TBCK: variants seen among roughly 807,000 people sequenced by gnomAD.
TBCK encodes the protein TBC1 domain containing kinase, also known as TBC domain-containing protein kinase-like protein.
TBCK carries 99 observed loss-of-function variants against 113.4 expected under a neutral mutation model. The observed-to-expected ratio is 0.87, with a 90% CI of 0.74 to 1.03. The LOEUF (loss-of-function observed/expected upper bound fraction) is 1.03. Among genes scored for constraint, TBCK ranks in the 50% least tolerant of loss-of-function variants. TBCK has a pLI of 0.00. For missense variants in TBCK, 1,045 were observed against 1,061.3 expected, an observed-to-expected ratio of 0.98 and a Z score of 0.21; for synonymous variants, 369 against 370.8, an observed-to-expected ratio of 1.00 and a Z score of 0.05.
chr4:106,049,896 C>T (rs998557342), intron 25 of TBCK, among the ~76,000 whole-genome samples: 1 of 151,968 alleles, frequency 6.6e-6, no homozygotes, highest in African/African-American at 2.4e-5. Context: ...AAAGGCTCCC[C>T]CTTTCCCAGG....
intron 2 of TBCK, among the ~76,000 whole-genome samples, chr4:106,298,461 A>T (rs1766551283): frequency 1.3e-5 from 2 of 149,392 alleles, no homozygotes; most frequent in Admixed American, 6.6e-5. Context: ...AAAAAAAAAA[A>T]TTAGCCAGGC....
At chr4:106,255,227 G>T (rs1761855435) in intron 5 of TBCK, among the ~76,000 whole-genome samples, 1 of 152,144 alleles carries the variant, frequency 6.6e-6, no homozygotes, top group Non-Finnish European at 1.5e-5. Flanking sequence ...GGATTTTGTG[G>T]TGTCACTTTG....
intron 12 of TBCK, chr4:106,238,548 G>T (rs1759727774): frequency 1.3e-5 from 2 of 152,006 alleles, no homozygotes; most frequent in South Asian, 2.1e-4. Context: ...GCCACGTAAA[G>T]AAAAAACTAG....
intron 23 of TBCK, among the ~76,000 whole-genome samples, chr4:106,130,102 G>A (rs1745705337): frequency 6.6e-6 from 1 of 152,104 alleles, no homozygotes; most frequent in African/African-American, 2.4e-5. Flanking sequence ...TCCCCCCAAA[G>A]TACCATCTTG....
Position 106,295,140 on chromosome 4 carries a change from A to G in TBCK, c.220T>C (p.Cys74Arg). The G allele has an allele frequency of 1.2e-6, 2 of 1,613,660 alleles. No homozygotes were observed. Among genetic ancestry groups the G allele is most frequent in the Non-Finnish European group, 1.7e-6 (2 of 1,179,726 alleles). The change falls in exon 3 of 26, where the codon TGT becomes CGT. Residue 74 changes from cysteine to arginine, a missense_variant. Transcript: ENST00000394708. ...HERLVVVAEHCERSLEDLLRE... is the reference protein window; with the variant it reads ...HERLVVVAEHRERSLEDLLRE... ...AGCAAGTCTTCCAGACTACGTTCACAATGTTCAGCCACGACCACTAGTCGT... is the reference window on the plus strand; with the variant it reads ...AGCAAGTCTTCCAGACTACGTTCACGATGTTCAGCCACGACCACTAGTCGT...
chr4:106,258,243 T>C (rs1275019669), intron 5 of TBCK, among the ~76,000 whole-genome samples: 5 of 152,084 alleles, frequency 3.3e-5, no homozygotes, highest in African/African-American at 1.2e-4. Context: ...ATAAAGTGGC[T>C]TTCATCATCT....
At chr4:106,307,203 T>C (rs1162153911) in intron 2 of TBCK, among the ~76,000 whole-genome samples, 15 of 152,312 alleles carry the variant, frequency 9.8e-5, no homozygotes, top group African/African-American at 3.6e-4. Flanking sequence ...TAGCAGTCCA[T>C]TTTTCCTTAA....
chr4:106,053,311 C>T (rs1252063677), intron 25 of TBCK, among the ~76,000 whole-genome samples: 3 of 151,656 alleles, frequency 2.0e-5, no homozygotes, highest in Non-Finnish European at 4.4e-5. Context: ...CCAAAATACT[C>T]TTATTAAGAC....
chr4:106,261,980 TATGA>T, intron 4 of TBCK, 114 bp downstream of exon 4: 1 of 458,184 alleles, frequency 2.2e-6, no homozygotes, highest in Non-Finnish European at 3.7e-6. Context: ...GACTTTTCAT[TATGA>T]ATATTCTTAA....
At chr4:106,242,412 G>A (rs934185339) in intron 12 of TBCK, 58 bp downstream of exon 12, 39 of 1,307,016 alleles carry the variant, frequency 3.0e-5, no homozygotes, top group East Asian at 2.4e-4. Context: ...TTGTGTATCT[G>A]TAAGGTTTTA....
At chr4:106,072,159 G>T (rs1737544150) in intron 25 of TBCK, among the ~76,000 whole-genome samples, 2 of 152,060 alleles carry the variant, frequency 1.3e-5, no homozygotes, top group Admixed American at 6.6e-5. Context: ...TGGTTATTTT[G>T]CCCATTATTT....
rs370005799 is a variant in TBCK, at chr4:106,266,913, T to C, written c.267-4701A>G. ...CTAATGCAACAGCAAAGTAAAACTA[T>C]CATATGTCTAGTAGTAGTTAACATG... On this transcript the variant is annotated intron_variant, in intron 3 of 25. Coordinates refer to ENST00000394708, the MANE Select transcript of TBCK (RefSeq NM_001163435.3). Among the ~76,000 whole-genome samples, 8 of 152,006 alleles carry C rather than the reference T, an allele frequency of 5.3e-5. No individual in the cohort carries two copies. In the East Asian group the frequency reaches 7.7e-4, roughly 15 times the overall value.
intron 1 of TBCK, among the ~76,000 whole-genome samples, chr4:106,312,471 T>C (rs1256868728): frequency 6.6e-6 from 1 of 150,824 alleles, no homozygotes; most frequent in Non-Finnish European, 1.5e-5. Flanking sequence ...GTGTTGAGAA[T>C]GTGGAAGTGG....
At chr4:106,265,996 T>C (rs1403384085) in intron 3 of TBCK, among the ~76,000 whole-genome samples, 1 of 151,822 alleles carries the variant, frequency 6.6e-6, no homozygotes, top group Non-Finnish European at 1.5e-5. Flanking sequence ...GCCATATCAC[T>C]GAGTCTTAAA....
At position 106,123,566 on chromosome 4, in the gene TBCK, G is replaced by T. The variant is rs1232652444; in HGVS notation, c.2236-7188C>A. Among the ~76,000 whole-genome samples, 749 of 152,056 alleles carry T rather than the reference G, an allele frequency of 4.9e-3. 4 individuals carry two copies. The highest frequency in any genetic ancestry group is 0.017 in the African/African-American group (718 of 41,438). Reference sequence around the variant, plus strand: ...CCAAAAAAGAGCCCACATCGCCAAGGCAATCCTAAGCCAAAAGAACAAAGC... The same window carrying T: ...CCAAAAAAGAGCCCACATCGCCAAGTCAATCCTAAGCCAAAAGAACAAAGC... On this transcript the variant is annotated intron_variant, in intron 23 of 25. Transcript: ENST00000394708.
At chr4:106,070,078 A>G (rs202072079) in intron 25 of TBCK, among the ~76,000 whole-genome samples, 1 of 152,088 alleles carries the variant, frequency 6.6e-6, no homozygotes. Flanking sequence ...CATTCATGTC[A>G]TCTGCAAACA....
intron 1 of TBCK, among the ~76,000 whole-genome samples, chr4:106,315,134 G>C (rs942428392): frequency 9.9e-5 from 15 of 151,858 alleles, no homozygotes; most frequent in Non-Finnish European, 1.5e-5. Context: ...GAAAACTACC[G>C]GGGGAAAAAA....
rs377766565 is a variant in TBCK at position 106,142,892 on chromosome 4, C to T, written c.2236-26514G>A. Among the ~76,000 whole-genome samples, 9 of 152,202 alleles carry T rather than the reference C, an allele frequency of 5.9e-5. No homozygotes were observed. The South Asian group carries it at 1.2e-3, about 21-fold the overall frequency. On this transcript the variant is annotated intron_variant, in intron 23 of 25. Coordinates refer to ENST00000394708, the MANE Select transcript of TBCK (RefSeq NM_001163435.3). Reference sequence around the variant, plus strand: ...GCTGCAAAGAAATAAAAACTGTCACCAGCATAACCTTCCTAGCAACTGCAA... The same window carrying T: ...GCTGCAAAGAAATAAAAACTGTCACTAGCATAACCTTCCTAGCAACTGCAA...
intron 23 of TBCK, among the ~76,000 whole-genome samples, chr4:106,130,224 G>T (rs72964460): frequency 0.027 from 4,089 of 152,192 alleles, 176 homozygotes; most frequent in African/African-American, 0.094. Flanking sequence ...AACTTCTGGA[G>T]AAAAATGTGT....
Sources: gnomAD v4.1 joint callset for allele counts (sites outside exome capture counted in the v4.1 genomes callset) on GRCh38, gnomAD v4.1.1 for gene constraint, MANE v1.5 for transcripts, NCBI Gene and HGNC (gene_info 2026-07-23, HGNC 2026-07-21) for gene names.